Variants in SPATA13 observed in about 807,000 individuals in gnomAD.
SPATA13 encodes spermatogenesis-associated protein 13.
Under a neutral mutation model 104.0 loss-of-function variants are expected in SPATA13, and 50 were observed. The observed-to-expected ratio is 0.48, with a 90% confidence interval of 0.38 to 0.61. The LOEUF is 0.61. Ranked by LOEUF, SPATA13 falls within the 20% of genes least tolerant of loss-of-function variation. The pLI is 0.00. For missense variants in SPATA13, 1,524 were observed against 1,690.6 expected (o/e 0.90, Z 1.73); for synonymous variants, 606 against 667.5 (o/e 0.91, Z 1.42).
In SPATA13 at chr13:24,161,722, C is replaced by T. The variant is rs1882502921; in HGVS notation, c.-112+790C>T. Reference sequence around the variant, plus strand: ...ACCAAACCAAAGCAAGCAAACAAAACCCTGTGGGTCATTTGCTTCCCAGCA... The same window carrying T: ...ACCAAACCAAAGCAAGCAAACAAAATCCTGTGGGTCATTTGCTTCCCAGCA... On this transcript the variant is annotated intron_variant, in intron 1 of 12. Coordinates refer to ENST00000382108, the MANE Select transcript of SPATA13 (RefSeq NM_001166271.3). This position sits in a 1 kb window ranked among gnomAD's most constrained non-coding sequence, Gnocchi z 4.5. Among the ~76,000 whole-genome samples the T allele has an allele frequency of 6.6e-6, 1 of 152,182 alleles. No homozygotes were observed. The highest frequency in any genetic ancestry group is 2.4e-5 in the African/African-American group (1 of 41,450).
Position 24,224,194 on chromosome 13 carries a change from G to C in SPATA13, c.1265G>C (p.Ser422Thr), listed in dbSNP as rs572120502. The change falls in exon 2 of 13, where the codon AGC becomes ACC. Residue 422 changes from serine to threonine, a missense_variant. By Grantham distance (58) the Ser-to-Thr change is moderately conservative. Around this residue, in one of 2 missense-constraint regions of SPATA13, gnomAD observed 1,089 missense variants for 1,135.9 expected, o/e 0.96. Coordinates refer to ENST00000382108, the MANE Select transcript of SPATA13 (RefSeq NM_001166271.3). The stretch of plus-strand genomic sequence containing the variant: ...ACCAAAAGTTCCTGGGCGGTGGAAA[G>C]CGACAGTTCCTGCACTTGCAGCTCT... ...LETKSSWAVE[S>T]DSSCTCSSLP... The C allele has an allele frequency of 6.4e-7, 1 of 1,551,772 alleles. No individual in the cohort carries two copies. Among genetic ancestry groups the C allele is most frequent in the African/African-American group, 1.4e-5 (1 of 73,148 alleles).
intron 3 of SPATA13, among the ~76,000 whole-genome samples, chr13:24,144,681 C>T (rs1881874752): frequency 6.6e-6 from 1 of 152,192 alleles, no homozygotes; most frequent in Admixed American, 6.5e-5. Context: ...GCAGCAGCCA[C>T]CGAGAGAGGA....
chr13:24,134,130 G>A (rs371468142), intron 3 of SPATA13, among the ~76,000 whole-genome samples: 50 of 152,336 alleles, frequency 3.3e-4, no homozygotes, highest in African/African-American at 1.1e-3. Flanking sequence ...TGCCAGGTGA[G>A]AAATGCCAAG....
chr13:24,188,138 C>T (rs1212492520), intron 1 of SPATA13, among the ~76,000 whole-genome samples: 3 of 151,868 alleles, frequency 2.0e-5, no homozygotes, highest in East Asian at 1.9e-4. Flanking sequence ...CTCAGGAGTT[C>T]GAGACCAGCC....
chr13:24,220,153 T>C (rs191346313), intron 1 of SPATA13, among the ~76,000 whole-genome samples: 2 of 152,288 alleles, frequency 1.3e-5, no homozygotes, highest in Non-Finnish European at 2.9e-5. Flanking sequence ...GGTATATGCA[T>C]AAATGTTGGT....
At chr13:24,042,825 C>T (rs1350353947) in intron 3 of SPATA13, among the ~76,000 whole-genome samples, 1 of 152,200 alleles carries the variant, frequency 6.6e-6, no homozygotes, top group East Asian at 1.9e-4. Context: ...CATTCTAACA[C>T]ATGTGGTCTG....
At chr13:24,201,463 A>G (rs1235473145) in intron 1 of SPATA13, among the ~76,000 whole-genome samples, 1 of 151,528 alleles carries the variant, frequency 6.6e-6, no homozygotes, top group East Asian at 1.9e-4. Flanking sequence ...TTTTTTTGAG[A>G]CAGAGGCTTG....
intron 1 of SPATA13, among the ~76,000 whole-genome samples, chr13:24,197,610 T>C (rs1342411413): frequency 6.6e-6 from 1 of 152,174 alleles, no homozygotes; most frequent in Non-Finnish European, 1.5e-5. Flanking sequence ...AAAAGAAATC[T>C]GAAGATTAAC....
At chr13:24,195,683 G>A (rs1362577403) in intron 1 of SPATA13, among the ~76,000 whole-genome samples, 2 of 152,108 alleles carry the variant, frequency 1.3e-5, no homozygotes, top group Non-Finnish European at 2.9e-5. Context: ...GGTTTTCTAG[G>A]ATTTTGTTTC....
At chr13:24,107,062 A>G (rs1211111625) in intron 3 of SPATA13, among the ~76,000 whole-genome samples, 1 of 151,868 alleles carries the variant, frequency 6.6e-6, no homozygotes, top group Non-Finnish European at 1.5e-5. Context: ...CGGGGAAAAA[A>G]AAAAGGAAGA....
intron 3 of SPATA13, among the ~76,000 whole-genome samples, chr13:24,130,047 C>G (rs1411082041): frequency 3.3e-5 from 5 of 152,212 alleles, no homozygotes; most frequent in Non-Finnish European, 7.3e-5. Flanking sequence ...CCACACAGCC[C>G]TTTCCTTCAG....
chr13:24,191,676 A>AT (rs1322144673), intron 1 of SPATA13, among the ~76,000 whole-genome samples: 7 of 151,392 alleles, frequency 4.6e-5, no homozygotes, highest in Admixed American at 2.0e-4. Flanking sequence ...CACCCTGCTA[A>AT]TTTTTTTGTA....
intron 3 of SPATA13, among the ~76,000 whole-genome samples, chr13:24,090,389 CCTT>C (rs1466485210): frequency 6.6e-6 from 1 of 152,200 alleles, no homozygotes; most frequent in Non-Finnish European, 1.5e-5. Flanking sequence ...CTTGGCATCT[CCTT>C]CTAGATGCCC....
intron 2 of SPATA13, among the ~76,000 whole-genome samples, chr13:24,001,387 T>G (rs939080195): frequency 6.6e-6 from 1 of 151,910 alleles, no homozygotes; most frequent in Non-Finnish European, 1.5e-5. Context: ...GGACACCTGC[T>G]TCTTCTGAGA....
chr13:24,163,079 C>T (rs1882573541), intron 1 of SPATA13, among the ~76,000 whole-genome samples: 2 of 152,156 alleles, frequency 1.3e-5, no homozygotes, highest in African/African-American at 4.8e-5. Flanking sequence ...CTCTTAGCCA[C>T]AGGAAGCCCT....
chr13:24,209,167 A>G (rs112333119), intron 1 of SPATA13, among the ~76,000 whole-genome samples: 98 of 152,330 alleles, frequency 6.4e-4, no homozygotes, highest in African/African-American at 2.3e-3. Context: ...ACTCAGGACA[A>G]GCCGATTTCA....
At chr13:24,071,222 G>A (rs1879151687) in intron 3 of SPATA13, among the ~76,000 whole-genome samples, 2 of 152,142 alleles carry the variant, frequency 1.3e-5, no homozygotes, top group South Asian at 4.1e-4. Flanking sequence ...AGTCACCTGA[G>A]CCCTAGGACT....
At chr13:24,219,859 C>G (rs1871470893) in intron 1 of SPATA13, among the ~76,000 whole-genome samples, 1 of 152,144 alleles carries the variant, frequency 6.6e-6, no homozygotes, top group East Asian at 1.9e-4. Flanking sequence ...GCTTTCCTTC[C>G]AATGATACTG....
At chr13:24,284,105 T>C (rs762056864) in intron 4 of SPATA13, 30 bp from the exon 5 acceptor site, 4 of 1,582,888 alleles carry the variant, frequency 2.5e-6, no homozygotes, top group Non-Finnish European at 3.5e-6. Flanking sequence ...CTGTGTCTTT[T>C]AAATCATGCC....
Sources: gnomAD v4.1 joint callset for allele counts (sites outside exome capture counted in the v4.1 genomes callset) on GRCh38, gnomAD v4.1.1 for gene constraint, gnomAD v4.1.1 regional missense constraint, Gnocchi (gnomAD v3.1) non-coding constraint, MANE v1.5 for transcripts, NCBI Gene and HGNC (gene_info 2026-07-23, HGNC 2026-07-21) for gene names.